Variants in CADPS observed in about 807,000 individuals in gnomAD.
CADPS encodes the protein calcium dependent secretion activator.
A neutral mutation model predicts 167.3 loss-of-function variants in CADPS; 57 were observed. The observed-to-expected ratio is 0.34, with a 90% CI of 0.28 to 0.42. The LOEUF (loss-of-function observed/expected upper bound fraction) is 0.42. CADPS is among the 20% of genes least tolerant of loss of function. The probability of loss-of-function intolerance (pLI) is 1.00; values close to 1 mark genes in which losing one functional copy is unlikely to be tolerated. For missense variants in CADPS, 1,414 were observed against 1,738.1 expected (o/e 0.81, Z 3.32); for synonymous variants, 676 against 635.3 (o/e 1.06, Z -0.96).
In CADPS at chr3:62,874,587, A is replaced by G; in HGVS notation, c.441+2T>C. ...CTCCCTGGGCCTCCCAGGCGCACCT[A>G]CCTTCTGCTGCCGGCGAGCCATGTC... is the stretch of plus-strand genomic sequence containing the variant. On this transcript the variant is annotated splice_donor_variant, in intron 1 of 29. Coordinates refer to ENST00000383710, the MANE Select transcript of CADPS (RefSeq NM_003716.4). LOFTEE classifies it high-confidence loss of function. This position sits in a 1 kb window ranked among gnomAD's most constrained non-coding sequence, Gnocchi z 7.1. The G allele has an allele frequency of 6.5e-7, 1 of 1,544,954 alleles. No individual in the cohort carries two copies. Among genetic ancestry groups the G allele is most frequent in the Non-Finnish European group, 8.7e-7 (1 of 1,143,736 alleles).
chr3:62,694,011 G>A (rs1225084527), intron 3 of CADPS, among the ~76,000 whole-genome samples: 6 of 152,016 alleles, frequency 3.9e-5, no homozygotes, highest in African/African-American at 9.7e-5. Context: ...TTCTGTTGAT[G>A]TCAATAAGCC....
rs547653374 is a variant in CADPS, at chr3:62,544,446, C to G, written c.1966+5457G>C. Among the ~76,000 whole-genome samples, 2 of 152,162 alleles carry G rather than the reference C, an allele frequency of 1.3e-5. No homozygotes were observed. Among genetic ancestry groups the G allele is most frequent in the South Asian group, 4.2e-4 (2 of 4,818 alleles). On this transcript the variant is annotated intron_variant, in intron 11 of 29. Coordinates refer to ENST00000383710, the MANE Select transcript of CADPS (RefSeq NM_003716.4). This position sits in a 1 kb window ranked among gnomAD's most constrained non-coding sequence, Gnocchi z 4.4. ...GGAAAAACAACAACAACAACAACAACAACAGCACATTATCAGAGTGCAAAA... is the reference window on the plus strand; with the variant it reads ...GGAAAAACAACAACAACAACAACAAGAACAGCACATTATCAGAGTGCAAAA...
At chr3:62,606,627 C>A (rs900992310) in intron 6 of CADPS, among the ~76,000 whole-genome samples, 9 of 152,108 alleles carry the variant, frequency 5.9e-5, no homozygotes, top group African/African-American at 2.2e-4. Flanking sequence ...GAAAATAGAC[C>A]AAGACAGTCT....
intron 1 of CADPS, among the ~76,000 whole-genome samples, chr3:62,833,310 CTAACT>C (rs1186811969): frequency 6.6e-6 from 1 of 151,840 alleles, no homozygotes; most frequent in East Asian, 2.0e-4. Context: ...CCATGCCTGG[CTAACT>C]TATTTTTTAA....
At position 62,518,799 on chromosome 3, in the gene CADPS, T is replaced by C. The variant is rs141328266; in HGVS notation, c.2292-549A>G. Among the ~76,000 whole-genome samples the C allele has an allele frequency of 3.5e-4, 54 of 152,190 alleles. 1 individual carries two copies. In the South Asian group the frequency reaches 5.8e-3, roughly 16 times the overall value. ...AAATTCCTATGAAAATCAGGTGACT[T>C]GTAAGTGTTTGTCTTTCCCGGTGTC... On this transcript the variant is annotated intron_variant, in intron 13 of 29. Coordinates refer to ENST00000383710, the MANE Select transcript of CADPS (RefSeq NM_003716.4).
chr3:62,525,284 A>G (rs1171075333), intron 13 of CADPS, among the ~76,000 whole-genome samples: 3 of 152,292 alleles, frequency 2.0e-5, no homozygotes, highest in African/African-American at 7.2e-5. Flanking sequence ...AACAAGTTCC[A>G]AAGTGAATTT....
chr3:62,867,005 C>T (rs548214258), intron 1 of CADPS, among the ~76,000 whole-genome samples: 109 of 151,920 alleles, frequency 7.2e-4, no homozygotes, highest in African/African-American at 2.4e-3. Context: ...CCTACTTATG[C>T]GAGTCTTACT....
At chr3:62,463,763 A>G (rs1314354011) in intron 26 of CADPS, among the ~76,000 whole-genome samples, 1 of 152,180 alleles carries the variant, frequency 6.6e-6, no homozygotes. Flanking sequence ...CATTATAGGA[A>G]TGTTCCATAA....
intron 2 of CADPS, among the ~76,000 whole-genome samples, chr3:62,760,333 T>C (rs2085091513): frequency 1.3e-5 from 2 of 152,166 alleles, no homozygotes; most frequent in African/African-American, 2.4e-5. Flanking sequence ...CAGACATAGC[T>C]GAGGTCCCAG....
chr3:62,831,004 T>C (rs537085339), intron 1 of CADPS, among the ~76,000 whole-genome samples: 2 of 152,200 alleles, frequency 1.3e-5, no homozygotes, highest in South Asian at 4.1e-4. Context: ...TTCCTAGACA[T>C]AGAGTTATAG....
At chr3:62,828,559 C>T (rs2074483548) in intron 1 of CADPS, among the ~76,000 whole-genome samples, 1 of 152,182 alleles carries the variant, frequency 6.6e-6, no homozygotes, top group Admixed American at 6.5e-5. Context: ...CCTTGTATAA[C>T]ACAAGGGTTA....
chr3:62,697,312 C>T (rs1355098742), intron 3 of CADPS, among the ~76,000 whole-genome samples: 1 of 151,936 alleles, frequency 6.6e-6, no homozygotes, highest in Non-Finnish European at 1.5e-5. Context: ...AATTCTTATG[C>T]CTTTGCATCC....
intron 1 of CADPS, among the ~76,000 whole-genome samples, chr3:62,850,974 T>C (rs903675245): frequency 2.0e-5 from 3 of 149,348 alleles, no homozygotes; most frequent in Admixed American, 6.7e-5. Flanking sequence ...TGGGTGCATA[T>C]ATATTTAGGA....
intron 3 of CADPS, among the ~76,000 whole-genome samples, chr3:62,696,824 G>C (rs540572817): frequency 6.6e-6 from 1 of 151,976 alleles, no homozygotes; most frequent in African/African-American, 2.4e-5. Context: ...GACCAGAATA[G>C]GATCATTTGC....
At chr3:62,859,629 C>G (rs1250916325) in intron 1 of CADPS, among the ~76,000 whole-genome samples, 1 of 152,110 alleles carries the variant, frequency 6.6e-6, no homozygotes, top group Non-Finnish European at 1.5e-5. Flanking sequence ...ACATAGGCTG[C>G]CTGTGGAAAG....
chr3:62,449,798 A>AGTGTGTGT (rs71786216), intron 26 of CADPS, among the ~76,000 whole-genome samples: 2,854 of 150,504 alleles, frequency 0.019, 33 homozygotes, highest in Non-Finnish European at 0.025. Flanking sequence ...TTGTTAAAAG[A>AGTGTGTGT]GTGTGTGTGT....
At chr3:62,499,780 G>A (rs968597476) in intron 17 of CADPS, 7 of 153,066 alleles carry the variant, frequency 4.6e-5, no homozygotes, top group Non-Finnish European at 1.0e-4. Context: ...GTTGTCCAGG[G>A]AGGAGATAGA....
chr3:62,611,214 T>C (rs1197029327), intron 6 of CADPS, among the ~76,000 whole-genome samples: 1 of 152,130 alleles, frequency 6.6e-6, no homozygotes, highest in African/African-American at 2.4e-5. Context: ...AGGTCAGCAG[T>C]TGGCAGCTCC....
intron 3 of CADPS, among the ~76,000 whole-genome samples, chr3:62,734,122 A>G (rs2078499500): frequency 6.6e-6 from 1 of 152,170 alleles, no homozygotes; most frequent in African/African-American, 2.4e-5. Context: ...TCTTTTTCAT[A>G]TAATGACTCC....
Sources: gnomAD v4.1 joint callset for allele counts (sites outside exome capture counted in the v4.1 genomes callset) on GRCh38, gnomAD v4.1.1 for gene constraint, Gnocchi (gnomAD v3.1) non-coding constraint, MANE v1.5 for transcripts, NCBI Gene and HGNC (gene_info 2026-07-23, HGNC 2026-07-21) for gene names.